The following ALDH3B1 variants were observed in gnomAD, a reference collection of about 807,000 sequenced individuals.
ALDH3B1 encodes the protein aldehyde dehydrogenase 3 family member B1, also known as aldehyde dehydrogenase family 3 member B1.
A neutral mutation model predicts 46.2 loss-of-function variants in ALDH3B1; 37 were observed. The observed-to-expected ratio is 0.80, with a 90% CI of 0.62 to 1.05. The LOEUF (loss-of-function observed/expected upper bound fraction) is 1.05. Ranked by LOEUF, ALDH3B1 falls within the 50% of genes least tolerant of loss-of-function variation. The pLI, the probability that ALDH3B1 is intolerant of heterozygous loss-of-function variation, is 0.00. For synonymous variants in ALDH3B1, 283 were observed against 281.0 expected, an observed-to-expected ratio of 1.01 and a Z score of -0.07; for missense variants, 603 against 665.5, an observed-to-expected ratio of 0.91 and a Z score of 1.03.
intron 9 of ALDH3B1, among the ~76,000 whole-genome samples, chr11:68,027,313 C>T (rs1041897887): frequency 4.6e-5 from 7 of 152,204 alleles, no homozygotes; most frequent in Non-Finnish European, 8.8e-5. Flanking sequence ...GTCTGCCTCC[C>T]AACCTAGACG....
chr11:68,021,446 G>A (rs748734673), intron 6 of ALDH3B1, 39 bp from the exon 7 acceptor site: 1 of 1,581,422 alleles, frequency 6.3e-7, no homozygotes, highest in Non-Finnish European at 8.6e-7. Flanking sequence ...GCCTGGTCCA[G>A]GTCACTGAAC....
chr11:68,014,654 C>T (rs938144730), intron 1 of ALDH3B1, among the ~76,000 whole-genome samples: 5 of 152,268 alleles, frequency 3.3e-5, no homozygotes, highest in African/African-American at 7.2e-5. Context: ...CCAGGAGGCC[C>T]GAGGTGTTCT....
chr11:68,024,973 C>T (rs1857588552), intron 8 of ALDH3B1: 1 of 152,216 alleles, frequency 6.6e-6, no homozygotes, highest in Non-Finnish European at 1.5e-5. Context: ...GCTCCAGGCT[C>T]ATCTTGTATC....
chr11:68,017,335 G>A (rs1857374526), intron 2 of ALDH3B1: 1 of 152,360 alleles, frequency 6.6e-6, no homozygotes, highest in Non-Finnish European at 1.5e-5. Flanking sequence ...TCCCTCTTGG[G>A]GCTCAGCTGT....
At chr11:68,011,819 C>G (rs907967756) in intron 1 of ALDH3B1, among the ~76,000 whole-genome samples, 1 of 152,214 alleles carries the variant, frequency 6.6e-6, no homozygotes, top group African/African-American at 2.4e-5. Context: ...TCCCTGAGCC[C>G]TCCTCTGGTA....
At chr11:68,012,905 C>T (rs1461099337) in intron 1 of ALDH3B1, among the ~76,000 whole-genome samples, 1 of 152,172 alleles carries the variant, frequency 6.6e-6, no homozygotes, top group African/African-American at 2.4e-5. Context: ...GCCTCAGCCT[C>T]CATCTCCTTC....
chr11:68,013,024 G>T (rs754234487), intron 1 of ALDH3B1, among the ~76,000 whole-genome samples: 1 of 151,916 alleles, frequency 6.6e-6, no homozygotes, highest in African/African-American at 2.4e-5. Flanking sequence ...TGAGTGCCGC[G>T]GGGGTGGGCT....
Position 68,028,182 on chromosome 11 carries a change from C to G in ALDH3B1, c.*243C>G. The G allele has an allele frequency of 1.4e-6, 1 of 698,318 alleles. No homozygotes were observed. The highest frequency in any genetic ancestry group is 2.6e-6 in the Non-Finnish European group (1 of 383,238). 43.3% of individuals were successfully genotyped at this position (698,318 alleles called of 1,614,324 possible). A position where few individuals can be genotyped will look rare whatever the true frequency, so the allele number is the denominator to read the frequency against. ...CATGGGAAACAGTGCAGTGACTCAC[C>G]CCCTGCCCCCGCACCAACCACCCAT... On this transcript the variant is annotated 3_prime_UTR_variant, in exon 10 of 10. Coordinates refer to ENST00000342456, the MANE Select transcript of ALDH3B1 (RefSeq NM_000694.4).
chr11:68,027,875 C>T lies in ALDH3B1; in HGVS notation c.1343C>T (p.Pro448Leu), dbSNP rs777926357. ...LNALRYPPQS[P>L]RRLRMLLVAM... ...GCCCTCCGCTACCCGCCGCAATCGC[C>T]GCGCCGCCTGAGGATGCTGCTGGTG... The change falls in exon 10 of 10, where the codon CCG (proline) becomes CTG (leucine). Residue 448 changes from proline (P) to leucine (L), a missense_variant. Transcript: ENST00000342456. 12 of 1,563,218 alleles carry T rather than the reference C, an allele frequency of 7.7e-6. No homozygotes were observed. The African/African-American group carries it at 1.2e-4, about 16-fold the overall frequency.
At chr11:68,011,512 A>G (rs1857229701) in intron 1 of ALDH3B1, among the ~76,000 whole-genome samples, 1 of 152,202 alleles carries the variant, frequency 6.6e-6, no homozygotes, top group South Asian at 2.1e-4. Flanking sequence ...GTTGGGGCCT[A>G]GTACAGGAGC....
intron 8 of ALDH3B1, chr11:68,024,766 T>A (rs564100449): frequency 6.6e-6 from 1 of 152,334 alleles, no homozygotes; most frequent in East Asian, 1.9e-4. Flanking sequence ...CTACATCTAT[T>A]TCCTGGAATT....
chr11:68,019,163 C>G lies in ALDH3B1; in HGVS notation c.395-7C>G, dbSNP rs759158660. The G allele has an allele frequency of 1.1e-5, 18 of 1,610,590 alleles. No individual in the cohort carries two copies. In the Middle Eastern group the frequency reaches 6.6e-4, roughly 59 times the overall value. On this transcript the variant is annotated splice_region_variant and splice_polypyrimidine_tract_variant and intron_variant, in intron 4 of 9. Transcript: ENST00000342456. ...TCCTCCAGCTCTCTCCCTGCACTGC[C>G]CTGCAGGGAACTGTGTGGTGCTGAA...
In ALDH3B1 at chr11:68,021,561, C is replaced by CA; in HGVS notation, c.641dup (p.Asn215GlufsTer41). ...CACCTGTCACCCTGGAGCTGGGGGGCAAGAACCCTTGCTACGTGGACGACA... is the reference window on the plus strand; with the variant it reads ...CACCTGTCACCCTGGAGCTGGGGGGCAAAGAACCCTTGCTACGTGGACGACA... On this transcript the variant is annotated frameshift_variant, in exon 7 of 10. Transcript: ENST00000342456. LOFTEE classifies it high-confidence loss of function. The CA allele has an allele frequency of 6.2e-7, 1 of 1,614,094 alleles. No individual in the cohort carries two copies. The highest frequency in any genetic ancestry group is 1.1e-5 in the South Asian group (1 of 91,086).
chr11:68,021,344 A>T (rs1857487225), intron 6 of ALDH3B1, 141 bp from the exon 7 acceptor site: 1 of 1,254,142 alleles, frequency 8.0e-7, no homozygotes, highest in Non-Finnish European at 1.1e-6. Context: ...GCAGGGTGGC[A>T]GTGAGGAACA....
At chr11:68,025,673 T>A (rs1245017417) in intron 8 of ALDH3B1, among the ~76,000 whole-genome samples, 4 of 152,180 alleles carry the variant, frequency 2.6e-5, no homozygotes, top group Non-Finnish European at 5.9e-5. Context: ...GCCTCCCTAC[T>A]GTCCAGTACT....
At position 68,015,317 on chromosome 11, in the gene ALDH3B1, C is replaced by T. The variant is rs1341602113; in HGVS notation, c.20C>T (p.Thr7Met). Reference protein sequence around the residue: MDPLGDTLRRLREAFHA... With the variant: MDPLGDMLRRLREAFHA... ...GGCAGGATGGACCCCCTTGGGGACA[C>T]GCTGCGGCGACTGCGGGAGGCCTTC... The change falls in exon 2 of 10, where the codon ACG (threonine) becomes ATG (methionine). Residue 7 changes from threonine to methionine, a missense_variant. Thr to Met is a moderately conservative substitution (Grantham distance 81). Coordinates refer to ENST00000342456, the MANE Select transcript of ALDH3B1 (RefSeq NM_000694.4). 1.3e-5 allele frequency: 19 copies of T among 1,507,562 alleles called. No individual in the cohort carries two copies. Among genetic ancestry groups the T allele is most frequent in the Admixed American group, 2.1e-5 (1 of 48,602 alleles). 93.4% of individuals were successfully genotyped at this position (1,507,562 alleles called of 1,614,324 possible).
At position 68,028,339 on chromosome 11, in the gene ALDH3B1, C is replaced by CTT; in HGVS notation, c.*401_*402insTT. The CTT allele has an allele frequency of 2.7e-6, 1 of 370,250 alleles. No individual in the cohort carries two copies. The highest frequency in any genetic ancestry group is 5.3e-6 in the Non-Finnish European group (1 of 189,198). 22.9% of individuals were successfully genotyped at this position (370,250 alleles called of 1,614,324 possible). ...GCATCCAAGGCCATTCCTGCCCTCT[C>CTT]TGAGTCTCAGTTTTTCCATTTGTTC... On this transcript the variant is annotated 3_prime_UTR_variant, in exon 10 of 10. Coordinates refer to ENST00000342456, the MANE Select transcript of ALDH3B1 (RefSeq NM_000694.4).
chr11:68,022,333 T>C (rs1857519968), intron 7 of ALDH3B1, among the ~76,000 whole-genome samples: 1 of 152,170 alleles, frequency 6.6e-6, no homozygotes, highest in Admixed American at 6.5e-5. Flanking sequence ...TAAGATCCCA[T>C]CACCCCTGAC....
Position 68,019,805 on chromosome 11 carries a change from G to A in ALDH3B1, c.562+9G>A, listed in dbSNP as rs760714030. The A allele has an allele frequency of 2.8e-5, 45 of 1,613,574 alleles. No homozygotes were observed. The East Asian group carries it at 3.1e-4, about 11-fold the overall frequency. On this transcript the variant is annotated intron_variant, in intron 6 of 9. Transcript: ENST00000342456. Reference sequence around the variant, plus strand: ...CTACATCTTCTTCACAGGTGAGGCCGGGACGAGGGTCGGGACAGGCTGGGG... The same window carrying A: ...CTACATCTTCTTCACAGGTGAGGCCAGGACGAGGGTCGGGACAGGCTGGGG...
Sources: gnomAD v4.1 joint callset for allele counts (sites outside exome capture counted in the v4.1 genomes callset) on GRCh38, gnomAD v4.1.1 for gene constraint, MANE v1.5 for transcripts, NCBI Gene and HGNC (gene_info 2026-07-23, HGNC 2026-07-21) for gene names.